COL25A1: variants seen among roughly 807,000 people sequenced by gnomAD.
COL25A1 encodes collagen type XXV alpha 1 chain, also known as collagen alpha-1(XXV) chain.
In COL25A1, 103 loss-of-function variants were observed where a neutral mutation model predicts 128.4. The ratio of observed to expected loss-of-function variants is 0.80; its 90% CI spans 0.68 to 0.94. COL25A1 has a LOEUF of 0.94. COL25A1 is among the 40% of genes least tolerant of loss of function. COL25A1 has a pLI of 0.00. For missense variants in COL25A1, 745 were observed against 840.0 expected (o/e 0.89, Z 1.40); for synonymous variants, 279 against 277.2 (o/e 1.01, Z -0.06).
chr4:109,183,455 C>T lies in COL25A1; in HGVS notation c.367+117128G>A, dbSNP rs536291102. 1.1e-3 allele frequency among the ~76,000 whole-genome samples: 165 copies of T among 152,218 alleles called. 1 individual carries two copies. Among genetic ancestry groups the T allele is most frequent in the African/African-American group, 3.9e-3 (160 of 41,530 alleles). Reference sequence around the variant, plus strand: ...GTGATTCATGAGAAAAATGCAAAGACTTTTATTTCATTTTACAAGCTTGCC... The same window carrying T: ...GTGATTCATGAGAAAAATGCAAAGATTTTTATTTCATTTTACAAGCTTGCC... On this transcript the variant is annotated intron_variant, in intron 3 of 37. Transcript: ENST00000399132.
At chr4:109,170,312 CCTT>C (rs985253556) in intron 3 of COL25A1, among the ~76,000 whole-genome samples, 48 of 152,162 alleles carry the variant, frequency 3.2e-4, no homozygotes, top group African/African-American at 1.2e-3. Context: ...CCATACCAGT[CCTT>C]CTAAAAACAT....
intron 3 of COL25A1, among the ~76,000 whole-genome samples, chr4:109,207,866 A>G (rs1466898950): frequency 6.6e-6 from 1 of 152,202 alleles, no homozygotes; most frequent in Non-Finnish European, 1.5e-5. Context: ...TGCTAGCAAT[A>G]AAGTATACTC....
At chr4:109,099,184 A>T (rs954654026) in intron 3 of COL25A1, among the ~76,000 whole-genome samples, 4 of 152,202 alleles carry the variant, frequency 2.6e-5, no homozygotes, top group African/African-American at 9.7e-5. Flanking sequence ...AAAACCATAA[A>T]CCTGAACCTT....
intron 4 of COL25A1, among the ~76,000 whole-genome samples, chr4:109,049,590 G>A (rs1364684721): frequency 1.3e-5 from 2 of 152,142 alleles, no homozygotes; most frequent in Non-Finnish European, 2.9e-5. Flanking sequence ...TGATTACTAA[G>A]GCTCTTGTCA....
intron 3 of COL25A1, among the ~76,000 whole-genome samples, chr4:109,065,545 C>CGCGCGCGCGTGTGTGT (rs771855567): frequency 7.1e-6 from 1 of 141,132 alleles, no homozygotes; most frequent in African/African-American, 2.7e-5. Flanking sequence ...CGCGCGCGCG[C>CGCGCGCGCGTGTGTGT]GTGTGTGTGT....
rs565143465 is a variant in COL25A1 at position 109,082,157 on chromosome 4, G to A, written c.368-31978C>T. Among the ~76,000 whole-genome samples the A allele has an allele frequency of 2.0e-5, 3 of 152,222 alleles. No individual in the cohort carries two copies. The East Asian group carries it at 5.8e-4, about 29-fold the overall frequency. The stretch of plus-strand genomic sequence containing the variant: ...CAGTACTACATTCAATTTCATAGCT[G>A]AGTACTATTCCATTGTATGCAAATA... On this transcript the variant is annotated intron_variant, in intron 3 of 37. Transcript: ENST00000399132.
chr4:108,911,802 G>GTTT (rs61235488), intron 13 of COL25A1, among the ~76,000 whole-genome samples: 1,645 of 124,352 alleles, frequency 0.013, 43 homozygotes, highest in Middle Eastern at 0.017. Context: ...TTGCTTCGCT[G>GTTT]TTTTTTTTTT....
At chr4:109,279,434 G>C (rs556404053) in intron 3 of COL25A1, among the ~76,000 whole-genome samples, 37 of 152,212 alleles carry the variant, frequency 2.4e-4, no homozygotes, top group African/African-American at 8.7e-4. Context: ...AGATTAGCCA[G>C]GTCTGGCTAA....
intron 3 of COL25A1, among the ~76,000 whole-genome samples, chr4:109,230,653 A>C (rs1779103886): frequency 6.6e-6 from 1 of 152,200 alleles, no homozygotes; most frequent in Non-Finnish European, 1.5e-5. Flanking sequence ...TGCCAGTCCA[A>C]AGGTTCTATT....
intron 11 of COL25A1, among the ~76,000 whole-genome samples, chr4:108,928,518 T>TTATTTATG (rs1746340731): frequency 6.6e-6 from 1 of 151,892 alleles, no homozygotes; most frequent in African/African-American, 2.4e-5. Context: ...ATTTATGTAT[T>TTATTTATG]TATTTATGTA....
At chr4:108,965,821 A>AT (rs1320651274) in intron 8 of COL25A1, among the ~76,000 whole-genome samples, 2 of 152,162 alleles carry the variant, frequency 1.3e-5, no homozygotes, top group Admixed American at 6.5e-5. Context: ...AATGAAGTTC[A>AT]TTTTTTTGCA....
At chr4:109,217,504 T>C (rs1578468144) in intron 3 of COL25A1, among the ~76,000 whole-genome samples, 1 of 152,276 alleles carries the variant, frequency 6.6e-6, no homozygotes, top group East Asian at 1.9e-4. Context: ...TAATAACCTA[T>C]TAATAATTTA....
intron 20 of COL25A1, among the ~76,000 whole-genome samples, chr4:108,864,524 A>G (rs1010172571): frequency 2.6e-5 from 4 of 152,198 alleles, no homozygotes; most frequent in Non-Finnish European, 5.9e-5. Context: ...TAATATATTC[A>G]TATCTCTATG....
At chr4:109,260,510 T>C (rs1020021572) in intron 3 of COL25A1, among the ~76,000 whole-genome samples, 11 of 152,184 alleles carry the variant, frequency 7.2e-5, no homozygotes, top group African/African-American at 2.7e-4. Flanking sequence ...GTTTGTTTTT[T>C]TTTGAGGCGG....
intron 19 of COL25A1, among the ~76,000 whole-genome samples, chr4:108,880,949 C>T (rs1031096019): frequency 2.0e-5 from 3 of 152,182 alleles, no homozygotes; most frequent in Non-Finnish European, 2.9e-5. Context: ...TATGTGAAAG[C>T]TTGTTTCAGA....
At chr4:109,224,221 G>T (rs78320546) in intron 3 of COL25A1, among the ~76,000 whole-genome samples, 13,181 of 152,084 alleles carry the variant, frequency 0.087, 1,187 homozygotes, top group African/African-American at 0.23. Flanking sequence ...GGAGAAAAAA[G>T]TAATCAAATT....
At position 108,984,439 on chromosome 4, in the gene COL25A1, G is replaced by A. The variant is rs531410351; in HGVS notation, c.439-9880C>T. Among the ~76,000 whole-genome samples, 6 of 152,306 alleles carry A rather than the reference G, an allele frequency of 3.9e-5. No individual in the cohort carries two copies. The East Asian group carries it at 1.2e-3, about 30-fold the overall frequency. ...GATGGGACTGGGCGCCCTAGAGCGG[G>A]GGCGGCGCTCATTGGGGAGGCTCCC... is the stretch of plus-strand genomic sequence containing the variant. On this transcript the variant is annotated intron_variant, in intron 6 of 37. Transcript: ENST00000399132.
chr4:108,817,599 G>A (rs1209779468), intron 36 of COL25A1, among the ~76,000 whole-genome samples, 164 bp from the exon 37 acceptor site: 1 of 152,066 alleles, frequency 6.6e-6, no homozygotes, highest in Non-Finnish European at 1.5e-5. Context: ...CCAGTGTTAG[G>A]TAAAATAAAG....
At chr4:108,904,860 C>G (rs1743274636) in intron 13 of COL25A1, among the ~76,000 whole-genome samples, 1 of 151,974 alleles carries the variant, frequency 6.6e-6, no homozygotes, top group African/African-American at 2.4e-5. Context: ...CCATTGTAAG[C>G]TGAAAACAAG....
Sources: allele counts gnomAD v4.1 joint callset (sites outside exome capture counted in the v4.1 genomes callset), GRCh38; gene constraint gnomAD v4.1.1; transcripts MANE v1.5; gene names NCBI Gene and HGNC (gene_info 2026-07-23, HGNC 2026-07-21).